RBFOX1: variants seen among roughly 807,000 people sequenced by gnomAD.
The protein encoded by RBFOX1 is RNA binding fox-1 homolog 1, also known as RNA binding protein fox-1 homolog 1.
Under a neutral mutation model 57.7 loss-of-function variants are expected in RBFOX1, and 8 were observed. The observed-to-expected ratio is 0.14, with a 90% CI of 0.08 to 0.25. The LOEUF is 0.25. Ranked by LOEUF, RBFOX1 falls within the 10% of genes least tolerant of loss-of-function variation. The pLI is 1.00. For synonymous variants in RBFOX1, 326 were observed against 222.4 expected, an observed-to-expected ratio of 1.47 and a Z score of -4.15; for missense variants, 611 against 548.5, an observed-to-expected ratio of 1.11 and a Z score of -1.14.
At chr16:6,147,369 C>A (rs913314200) in intron 1 of RBFOX1, among the ~76,000 whole-genome samples, 2 of 152,158 alleles carry the variant, frequency 1.3e-5, no homozygotes, top group Non-Finnish European at 2.9e-5. Flanking sequence ...CAACCCTTTC[C>A]CATACAGATC....
At chr16:5,850,135 A>G (rs1207446542) in intron 3 of RBFOX1, among the ~76,000 whole-genome samples, 1 of 152,140 alleles carries the variant, frequency 6.6e-6, no homozygotes, top group East Asian at 1.9e-4. Flanking sequence ...TTCAGTGGCT[A>G]AGAGGGAAAG....
intron 2 of RBFOX1, among the ~76,000 whole-genome samples, chr16:5,473,370 C>T (rs2069203929): frequency 6.6e-6 from 1 of 152,056 alleles, no homozygotes; most frequent in South Asian, 2.1e-4. Context: ...ATCATCATAC[C>T]TCTTTTTAAT....
intron 3 of RBFOX1, among the ~76,000 whole-genome samples, chr16:6,679,570 G>A (rs887070354): frequency 5.9e-5 from 9 of 152,134 alleles, no homozygotes; most frequent in South Asian, 2.1e-4. Flanking sequence ...CTTCTAGGAG[G>A]TAGCCTCATT....
At chr16:5,600,312 A>G (rs1023955434), downstream of RBFOX1, among the ~76,000 whole-genome samples, 1 of 151,384 alleles carries the variant, frequency 6.6e-6, no homozygotes, top group African/African-American at 2.4e-5. Context: ...AAAATAAAAA[A>G]AAATAAAAAA....
chr16:6,696,276 A>G (rs17140944), intron 3 of RBFOX1, among the ~76,000 whole-genome samples: 11,367 of 152,260 alleles, frequency 0.075, 547 homozygotes, highest in African/African-American at 0.14. Context: ...ATTTATTTAA[A>G]CTTATCTCCA....
intron 2 of RBFOX1, among the ~76,000 whole-genome samples, chr16:6,651,426 C>T (rs149467041): frequency 6.6e-6 from 1 of 152,190 alleles, no homozygotes; most frequent in East Asian, 1.9e-4. Flanking sequence ...ACCATCATGT[C>T]ACACCTGGAC....
At chr16:7,442,380 G>A (rs910841891) in intron 4 of RBFOX1, among the ~76,000 whole-genome samples, 2 of 152,084 alleles carry the variant, frequency 1.3e-5, no homozygotes, top group East Asian at 3.9e-4. Context: ...TTTGGCAGAC[G>A]TAAGGAGCAG....
At chr16:6,997,060 C>A (rs1433749818) in intron 3 of RBFOX1, among the ~76,000 whole-genome samples, 1 of 152,024 alleles carries the variant, frequency 6.6e-6, no homozygotes, top group African/African-American at 2.4e-5. Flanking sequence ...ACATTGTAGA[C>A]AGATGAAAAA....
intron 2 of RBFOX1, among the ~76,000 whole-genome samples, chr16:6,620,556 G>C (rs1352733817): frequency 1.3e-5 from 2 of 152,036 alleles, no homozygotes; most frequent in African/African-American, 4.8e-5. Flanking sequence ...GAATCCGGGA[G>C]CTATTTTTTT....
chr16:5,758,633 A>G (rs917691912), intron 3 of RBFOX1, among the ~76,000 whole-genome samples: 1 of 152,232 alleles, frequency 6.6e-6, no homozygotes, highest in Admixed American at 6.5e-5. Flanking sequence ...TTAAGACCTC[A>G]GAATAGGAAA....
chr16:7,443,093 A>C (rs539326755), intron 4 of RBFOX1, among the ~76,000 whole-genome samples: 1 of 152,096 alleles, frequency 6.6e-6, no homozygotes, highest in African/African-American at 2.4e-5. Context: ...GCACGAGAAC[A>C]CTCTTACCAA....
intron 4 of RBFOX1, among the ~76,000 whole-genome samples, chr16:7,317,073 C>T (rs1305879559): frequency 1.3e-5 from 2 of 151,812 alleles, no homozygotes; most frequent in African/African-American, 4.8e-5. Context: ...GGCTTTTCTG[C>T]AGAGAATAGA....
intron 4 of RBFOX1, among the ~76,000 whole-genome samples, chr16:7,410,963 C>G (rs983655824): frequency 1.3e-5 from 2 of 151,564 alleles, no homozygotes; most frequent in Admixed American, 6.6e-5. Flanking sequence ...ATTTATTTTT[C>G]GAGACAGAGT....
chr16:6,396,345 C>G (rs1041923244), intron 2 of RBFOX1, among the ~76,000 whole-genome samples: 13 of 151,952 alleles, frequency 8.6e-5, no homozygotes, highest in Non-Finnish European at 1.8e-4. Flanking sequence ...GCAAGGAAGA[C>G]GAGACTCAGG....
At chr16:5,772,300 C>T (rs1299991793) in intron 3 of RBFOX1, among the ~76,000 whole-genome samples, 3 of 152,168 alleles carry the variant, frequency 2.0e-5, no homozygotes, top group Non-Finnish European at 4.4e-5. Flanking sequence ...CTGGCAGGCT[C>T]CCTCCATGTA....
At chr16:6,848,677 G>T (rs943594703) in intron 3 of RBFOX1, among the ~76,000 whole-genome samples, 1 of 152,130 alleles carries the variant, frequency 6.6e-6, no homozygotes, top group East Asian at 1.9e-4. Flanking sequence ...AACCTAGGTA[G>T]ATAGCTGGGC....
At chr16:7,173,458 G>A (rs886832587) in intron 4 of RBFOX1, among the ~76,000 whole-genome samples, 6 of 152,072 alleles carry the variant, frequency 3.9e-5, no homozygotes, top group Admixed American at 1.3e-4. Flanking sequence ...CACTGGTTTC[G>A]AATGTTTTGT....
At chr16:7,575,452 A>G (rs1242230152) in intron 5 of RBFOX1, among the ~76,000 whole-genome samples, 2 of 152,044 alleles carry the variant, frequency 1.3e-5, no homozygotes, top group Non-Finnish European at 2.9e-5. Context: ...TTTTAAGAAG[A>G]AAAAGGAAGA....
chr16:6,478,617 G>C (rs114146416), intron 2 of RBFOX1, among the ~76,000 whole-genome samples: 2,872 of 151,116 alleles, frequency 0.019, 88 homozygotes, highest in African/African-American at 0.064. Context: ...TTGATTTAAA[G>C]TGAGAGGTGT....
Sources: allele counts gnomAD v4.1 joint callset (sites outside exome capture counted in the v4.1 genomes callset), GRCh38; gene constraint gnomAD v4.1.1; transcripts MANE v1.5; gene names NCBI Gene and HGNC (gene_info 2026-07-23, HGNC 2026-07-21).